CNTN1: variants seen among roughly 807,000 people sequenced by gnomAD.
The protein encoded by CNTN1 is contactin-1.
In CNTN1, 38 loss-of-function variants were observed where a neutral mutation model predicts 126.4. The ratio of observed to expected loss-of-function variants is 0.30; its 90% confidence interval spans 0.23 to 0.39. The LOEUF is 0.39. Ranked by LOEUF, CNTN1 falls within the 10% of genes least tolerant of loss-of-function variation. The probability of loss-of-function intolerance (pLI) is 1.00; values close to 1 mark genes in which losing one functional copy is unlikely to be tolerated. For missense variants in CNTN1, 1,009 were observed against 1,248.4 expected, an observed-to-expected ratio of 0.81 and a Z score of 2.89; for synonymous variants, 413 against 422.6, an observed-to-expected ratio of 0.98 and a Z score of 0.28.
chr12:41,061,931 G>C, intron 23 of CNTN1: 1 of 314,942 alleles, frequency 3.2e-6, no homozygotes, highest in South Asian at 2.6e-5. Flanking sequence ...CTTAGTATTT[G>C]AGTGTTGCTA....
At chr12:40,720,409 GGTGT>G (rs10636043) in intron 1 of CNTN1, among the ~76,000 whole-genome samples, 2 of 149,056 alleles carry the variant, frequency 1.3e-5, no homozygotes, top group South Asian at 4.2e-4. Flanking sequence ...ATCTCAAAGG[GGTGT>G]GTGTGTGTGT....
Position 40,749,667 on chromosome 12 carries a change from A to G in CNTN1, c.-77+57075A>G, listed in dbSNP as rs1938323773. ...TTTCATTTAATCCTTGAAACCACTCAGGCAACCAGCTTATTTATAATCATG... is the reference window on the plus strand; with the variant it reads ...TTTCATTTAATCCTTGAAACCACTCGGGCAACCAGCTTATTTATAATCATG... On this transcript the variant is annotated intron_variant, in intron 1 of 23. Coordinates refer to ENST00000551295, the MANE Select transcript of CNTN1 (RefSeq NM_001843.4). Among the ~76,000 whole-genome samples the G allele has an allele frequency of 1.5e-5, 2 of 133,964 alleles. 1 individual carries two copies. The highest frequency in any genetic ancestry group is 3.3e-5 in the Non-Finnish European group (2 of 60,108). The allele number at this position is 133,964 out of a possible 152,430, so 87.9% of individuals were successfully genotyped here. A position where few individuals can be genotyped will look rare whatever the true frequency, so the allele number is the denominator to read the frequency against.
At chr12:40,842,821 A>G (rs1942337742) in intron 1 of CNTN1, among the ~76,000 whole-genome samples, 2 of 152,136 alleles carry the variant, frequency 1.3e-5, no homozygotes, top group Non-Finnish European at 2.9e-5. Context: ...ACACCATCCA[A>G]TTAATAGACT....
intron 1 of CNTN1, among the ~76,000 whole-genome samples, chr12:40,863,579 G>A (rs1442186): frequency 0.015 from 2,249 of 152,214 alleles, 53 homozygotes; most frequent in African/African-American, 0.051. Flanking sequence ...GTACCAGTCC[G>A]TGACCTGTTA....
intron 1 of CNTN1, among the ~76,000 whole-genome samples, chr12:40,752,070 CATTTT>C (rs764071876): frequency 1.3e-5 from 2 of 151,882 alleles, no homozygotes; most frequent in Non-Finnish European, 2.9e-5. Flanking sequence ...ATTTACAAAA[CATTTT>C]ATTAAGTTTT....
intron 15 of CNTN1, 85 bp from the exon 16 acceptor site, chr12:40,980,824 T>C (rs1947800854): frequency 1.6e-6 from 2 of 1,238,382 alleles, no homozygotes; most frequent in Non-Finnish European, 2.4e-6. Flanking sequence ...TTTAGATTAA[T>C]GGTTAGAAGA....
At chr12:41,009,674 T>C (rs1196131156) in intron 17 of CNTN1, among the ~76,000 whole-genome samples, 1 of 152,186 alleles carries the variant, frequency 6.6e-6, no homozygotes, top group Non-Finnish European at 1.5e-5. Flanking sequence ...CTGCTTCAGG[T>C]TTTGAAGAGG....
At chr12:40,758,463 TTTA>T (rs1938698792) in intron 1 of CNTN1, among the ~76,000 whole-genome samples, 1 of 152,124 alleles carries the variant, frequency 6.6e-6, no homozygotes, top group Admixed American at 6.5e-5. Flanking sequence ...GCAAAGGTTA[TTTA>T]ATTTCCTGTT....
At chr12:40,704,080 A>G (rs1941672693) in intron 1 of CNTN1, among the ~76,000 whole-genome samples, 1 of 151,864 alleles carries the variant, frequency 6.6e-6, no homozygotes, top group Admixed American at 6.6e-5. Context: ...TATAAATTAT[A>G]CAGTAGCAAG....
intron 21 of CNTN1, among the ~76,000 whole-genome samples, chr12:41,026,664 T>A (rs992368363): frequency 3.3e-5 from 5 of 152,202 alleles, no homozygotes; most frequent in Admixed American, 3.3e-4. Context: ...GGAAGTGTTC[T>A]GGGGCCCAAT....
chr12:40,849,221 A>T (rs1051426394), intron 1 of CNTN1, among the ~76,000 whole-genome samples: 2 of 152,150 alleles, frequency 1.3e-5, no homozygotes, highest in Admixed American at 1.3e-4. Context: ...ATATTCCCTG[A>T]ACTGCTTATA....
At chr12:41,014,832 C>T (rs1290870534) in intron 18 of CNTN1, among the ~76,000 whole-genome samples, 1 of 151,950 alleles carries the variant, frequency 6.6e-6, no homozygotes, top group East Asian at 1.9e-4. Context: ...TCAGAGACTA[C>T]AATCTCTAGA....
intron 1 of CNTN1, among the ~76,000 whole-genome samples, chr12:40,822,741 T>A (rs1941492519): frequency 6.6e-6 from 1 of 152,198 alleles, no homozygotes; most frequent in Non-Finnish European, 1.5e-5. Flanking sequence ...AATAGCATCT[T>A]CTTTTTTCTT....
chr12:41,025,055 C>G lies in CNTN1; in HGVS notation c.2524-95C>G, dbSNP rs531958467. 1.7e-5 allele frequency: 20 copies of G among 1,164,512 alleles called. No individual in the cohort carries two copies. The Admixed American group carries it at 3.2e-4, about 19-fold the overall frequency. The allele number at this position is 1,164,512 out of a possible 1,614,324, so 72.1% of individuals were successfully genotyped here. ...AAACATTTGAAAATATGATGATCAGCCAACACCAATGGTAATAGAACCAGT... is the reference window on the plus strand; with the variant it reads ...AAACATTTGAAAATATGATGATCAGGCAACACCAATGGTAATAGAACCAGT... On this transcript the variant is annotated intron_variant, in intron 20 of 23. Coordinates refer to ENST00000551295, the MANE Select transcript of CNTN1 (RefSeq NM_001843.4).
intron 1 of CNTN1, among the ~76,000 whole-genome samples, chr12:40,796,458 T>C (rs968341645): frequency 6.6e-6 from 1 of 151,970 alleles, no homozygotes; most frequent in African/African-American, 2.4e-5. Context: ...TATATCAAAA[T>C]CTCTAGGAGT....
chr12:40,991,847 A>T (rs1309783394), intron 16 of CNTN1, among the ~76,000 whole-genome samples: 1 of 151,996 alleles, frequency 6.6e-6, no homozygotes, highest in Non-Finnish European at 1.5e-5. Context: ...AAACAAACAA[A>T]CAAACAAAAA....
At chr12:41,004,688 A>G (rs1452347417) in intron 17 of CNTN1, among the ~76,000 whole-genome samples, 7 of 148,298 alleles carry the variant, frequency 4.7e-5, no homozygotes, top group Admixed American at 1.3e-4. Context: ...CCATTATGTA[A>G]TTCCCTTGAC....
At chr12:40,917,275 G>C (rs973119367) in intron 3 of CNTN1, among the ~76,000 whole-genome samples, 2 of 152,032 alleles carry the variant, frequency 1.3e-5, no homozygotes, top group Non-Finnish European at 1.5e-5. Flanking sequence ...AAATTCATGA[G>C]AGTGTTTTTA....
chr12:41,067,701 G>T (rs1217558924), intron 23 of CNTN1, among the ~76,000 whole-genome samples: 2 of 150,850 alleles, frequency 1.3e-5, no homozygotes, highest in Non-Finnish European at 2.9e-5. Context: ...CACCAGCATG[G>T]CACATGTATA....
Sources: gnomAD v4.1 joint callset for allele counts (sites outside exome capture counted in the v4.1 genomes callset) on GRCh38, gnomAD v4.1.1 for gene constraint, MANE v1.5 for transcripts, NCBI Gene and HGNC (gene_info 2026-07-23, HGNC 2026-07-21) for gene names.